NOTCH1: variants seen among roughly 807,000 people sequenced by gnomAD.
NOTCH1 encodes the protein neurogenic locus notch homolog protein 1.
A neutral mutation model predicts 254.8 loss-of-function variants in NOTCH1; 37 were observed. The ratio of observed to expected loss-of-function variants is 0.15; its 90% CI spans 0.11 to 0.19. The LOEUF (loss-of-function observed/expected upper bound fraction) is 0.19. Ranked by LOEUF, NOTCH1 falls within the 10% of genes least tolerant of loss-of-function variation. The pLI, the probability that NOTCH1 is intolerant of heterozygous loss-of-function variation, is 1.00. For missense variants in NOTCH1, 2,972 were observed against 3,708.6 expected, an observed-to-expected ratio of 0.80 and a Z score of 5.16; for synonymous variants, 1,731 against 1,618.1, an observed-to-expected ratio of 1.07 and a Z score of -1.68.
Position 136,511,247 on chromosome 9 carries a change from G to A in NOTCH1, c.2492C>T (p.Ala831Val), listed in dbSNP as rs761406127. 1.2e-6 allele frequency: 2 copies of A among 1,612,420 alleles called. No individual in the cohort carries two copies. Among genetic ancestry groups the A allele is most frequent in the South Asian group, 2.2e-5 (2 of 91,076 alleles). ...TCTGCAGGGGCTGGGGGCACACGGG[G>A]CCAGCACCACCTCACACGTGGCACC... ...YTGATCEVVL[A>V]PCAPSPCRNG... The change falls in exon 16 of 34, where the codon GCC becomes GTC. Residue 831 changes from alanine to valine, a missense_variant. Transcript: ENST00000651671.
intron 4 of NOTCH1, among the ~76,000 whole-genome samples, chr9:136,522,170 G>A (rs1843378654): frequency 6.6e-6 from 1 of 152,102 alleles, no homozygotes; most frequent in Admixed American, 6.5e-5. Flanking sequence ...GTAGAGACGG[G>A]GTTTCGCCGT....
Position 136,513,689 on chromosome 9 carries a change from T to G in NOTCH1, c.2208-152A>C, listed in dbSNP as rs1843219286. On this transcript the variant is annotated intron_variant, in intron 13 of 33. Coordinates refer to ENST00000651671, the MANE Select transcript of NOTCH1 (RefSeq NM_017617.5). The surrounding 1 kb of genome is among the most constrained non-coding windows in gnomAD (Gnocchi z 4.7). ...TTTAGTGGGGGCAGGCTGGGCGCTG[T>G]GGCTCACACCTGTAATCCCAGCACT... The G allele has an allele frequency of 1.2e-6, 1 of 826,722 alleles. No homozygotes were observed. Among genetic ancestry groups the G allele is most frequent in the South Asian group, 1.6e-5 (1 of 62,962 alleles). The allele number at this position is 826,722 out of a possible 1,614,324, so 51.2% of individuals were successfully genotyped here.
rs3125006 is a variant in NOTCH1 at position 136,515,972 on chromosome 9, A to C, written c.1669+9T>G. On this transcript the variant is annotated intron_variant, in intron 10 of 33. Coordinates refer to ENST00000651671, the MANE Select transcript of NOTCH1 (RefSeq NM_017617.5). ...CAGTCCCTCCCCGCTGGTGGGCGCC[A>C]GCCCGCACCTTCCGTGCACACACAG... is the stretch of plus-strand genomic sequence containing the variant. 6.2e-7 allele frequency: 1 copy of C among 1,604,696 alleles called. No individual in the cohort carries two copies. Among genetic ancestry groups the C allele is most frequent in the South Asian group, 1.1e-5 (1 of 90,944 alleles).
intron 15 of NOTCH1, among the ~76,000 whole-genome samples, chr9:136,511,696 A>AC (rs1184022527): frequency 6.6e-6 from 1 of 152,198 alleles, no homozygotes; most frequent in African/African-American, 2.4e-5. Context: ...CTGGCCTGAG[A>AC]CCGAGGCCTG....
At chr9:136,504,073 C>T (rs866155048) in intron 26 of NOTCH1, among the ~76,000 whole-genome samples, 21 of 152,206 alleles carry the variant, frequency 1.4e-4, no homozygotes, top group Non-Finnish European at 7.4e-5. Flanking sequence ...CCCAGGACCT[C>T]CACCTGCCTC....
chr9:136,512,686 A>C (rs981399464), intron 15 of NOTCH1, among the ~76,000 whole-genome samples: 1 of 152,208 alleles, frequency 6.6e-6, no homozygotes, highest in Admixed American at 6.5e-5. Flanking sequence ...ATTCACCTGC[A>C]TCTTACCTGT....
rs1843105747 is a variant in NOTCH1 at position 136,507,390 on chromosome 9, C to T, written c.3558G>A (p.Glu1186=). The T allele has an allele frequency of 1.2e-6, 2 of 1,611,814 alleles. No homozygotes were observed. The highest frequency in any genetic ancestry group is 4.5e-5 in the East Asian group (2 of 44,830). Residue 1186 remains glutamate (E), a synonymous_variant, in exon 22 of 34, where the codon GAG becomes GAA. Transcript: ENST00000651671. ...HGVNCSEEID[E]CLSHPCQNGG... ...CGTTCTGGCAGGGGTGGGAGAGGCA[C>T]TCGTCGATCTCCTCAGAGCAGTTCA...
intron 12 of NOTCH1, among the ~76,000 whole-genome samples, chr9:136,515,071 G>A (rs991806510): frequency 1.3e-5 from 2 of 152,194 alleles, no homozygotes; most frequent in East Asian, 1.9e-4. Context: ...CTGCCAACAC[G>A]GCCTGGGACA....
intron 2 of NOTCH1, among the ~76,000 whole-genome samples, chr9:136,530,888 A>G (rs1475785424): frequency 1.3e-5 from 2 of 151,762 alleles, no homozygotes; most frequent in South Asian, 2.1e-4. Flanking sequence ...CTCAAACCAC[A>G]CTCCATGAAT....
At chr9:136,520,220 G>T (rs556154125) in intron 4 of NOTCH1, among the ~76,000 whole-genome samples, 2 of 152,228 alleles carry the variant, frequency 1.3e-5, no homozygotes, top group African/African-American at 4.8e-5. Flanking sequence ...AGGCGCGTTC[G>T]GCAACAGCCA....
rs560659278 is a variant in NOTCH1 at position 136,499,329 on chromosome 9, C to A, written c.5935-70G>T. ...ACCGATGCCTCCTGCCCAGAACGAA[C>A]GCCTGGACGGGAAGCCCCACTGTCT... is the stretch of plus-strand genomic sequence containing the variant. On this transcript the variant is annotated intron_variant, in intron 31 of 33. Coordinates refer to ENST00000651671, the MANE Select transcript of NOTCH1 (RefSeq NM_017617.5). 3.8e-6 allele frequency: 6 copies of A among 1,575,474 alleles called. No homozygotes were observed. The South Asian group carries it at 6.7e-5, about 18-fold the overall frequency.
chr9:136,503,458 G>A, intron 26 of NOTCH1, 128 bp from the exon 27 acceptor site: 1 of 1,399,392 alleles, frequency 7.1e-7, no homozygotes, highest in Non-Finnish European at 9.9e-7. Context: ...GCAGCCTGGG[G>A]TGGTGGGAAG....
At position 136,505,359 on chromosome 9, in the gene NOTCH1, C is replaced by A; in HGVS notation, c.4537G>T (p.Gly1513Cys). Residue 1513 changes from glycine (G) to cysteine (C), a missense_variant, in exon 25 of 34, where the codon GGC becomes TGC. Transcript: ENST00000651671. ...CAGTCAAAGCCGTCGAAGAGGCAGC[C>A]GGCTGAGTTGCACTGGCTGTCACAG... is the stretch of plus-strand genomic sequence containing the variant. ...GHCDSQCNSA[G>C]CLFDGFDCQR... 1 of 1,607,202 alleles carries A rather than the reference C, an allele frequency of 6.2e-7. No individual in the cohort carries two copies. Among genetic ancestry groups the A allele is most frequent in the Admixed American group, 1.7e-5 (1 of 59,092 alleles).
chr9:136,503,130 G>A (rs773231410), intron 27 of NOTCH1, 52 bp downstream of exon 27: 3 of 1,611,004 alleles, frequency 1.9e-6, no homozygotes, highest in South Asian at 1.1e-5. Context: ...GGGCACGGGG[G>A]GATGGCACCC....
At chr9:136,535,443 G>A (rs2133394384) in intron 2 of NOTCH1, among the ~76,000 whole-genome samples, 1 of 145,482 alleles carries the variant, frequency 6.9e-6, no homozygotes, top group East Asian at 1.9e-4. Context: ...TCCCTCCCAG[G>A]GGCAATGGGT....
At chr9:136,543,811 G>A (rs1040560325) in intron 2 of NOTCH1, 2 of 644,194 alleles carry the variant, frequency 3.1e-6, no homozygotes, top group Non-Finnish European at 5.6e-6. Context: ...GAGTGCCCAA[G>A]CCCTCAGCAG....
intron 12 of NOTCH1, among the ~76,000 whole-genome samples, 183 bp downstream of exon 12, chr9:136,515,107 G>A (rs969020178): frequency 2.6e-5 from 4 of 152,178 alleles, no homozygotes; most frequent in African/African-American, 4.8e-5. Flanking sequence ...AAGAGGGGTC[G>A]GGGGGACCCA....
intron 1 of NOTCH1, among the ~76,000 whole-genome samples, chr9:136,544,929 G>A (rs970803921): frequency 4.6e-5 from 7 of 152,196 alleles, no homozygotes; most frequent in Non-Finnish European, 8.8e-5. Context: ...GTGACACAGA[G>A]CCGCACTTTC....
intron 31 of NOTCH1, 132 bp downstream of exon 31, chr9:136,500,420 G>A (rs1216078746): frequency 2.7e-6 from 3 of 1,116,374 alleles, no homozygotes; most frequent in Non-Finnish European, 4.0e-6. Context: ...GGTCCCAGGT[G>A]GAGGCACCAG....
Sources: gnomAD v4.1 joint callset for allele counts (sites outside exome capture counted in the v4.1 genomes callset) on GRCh38, gnomAD v4.1.1 for gene constraint, Gnocchi (gnomAD v3.1) non-coding constraint, MANE v1.5 for transcripts, NCBI Gene and HGNC (gene_info 2026-07-23, HGNC 2026-07-21) for gene names.